Variants in SLC31A1 observed in about 807,000 individuals in gnomAD.
SLC31A1 encodes high affinity copper uptake protein 1.
A neutral mutation model predicts 17.2 loss-of-function variants in SLC31A1; 5 were observed. The observed-to-expected ratio is 0.29, with a 90% CI of 0.15 to 0.61. The LOEUF (loss-of-function observed/expected upper bound fraction) is 0.61. Among genes scored for constraint, SLC31A1 ranks in the 20% least tolerant of loss-of-function variants. SLC31A1 has a pLI of 0.86. For missense variants in SLC31A1, 161 were observed against 241.4 expected, an observed-to-expected ratio of 0.67 and a Z score of 2.21; for synonymous variants, 76 against 78.8, an observed-to-expected ratio of 0.96 and a Z score of 0.19.
chr9:113,254,664 C>T (rs965297673), intron 1 of SLC31A1, among the ~76,000 whole-genome samples: 5 of 151,956 alleles, frequency 3.3e-5, no homozygotes, highest in African/African-American at 4.8e-5. Flanking sequence ...TTTGGGAGGC[C>T]GAGTTGGACA....
At chr9:113,253,616 A>G (rs1831686569) in intron 1 of SLC31A1, among the ~76,000 whole-genome samples, 1 of 141,596 alleles carries the variant, frequency 7.1e-6, no homozygotes. Context: ...GTGCAGTGGC[A>G]TGATCTCTGC....
chr9:113,251,659 A>G (rs1175926934), intron 1 of SLC31A1, among the ~76,000 whole-genome samples: 2 of 152,242 alleles, frequency 1.3e-5, no homozygotes, highest in African/African-American at 4.8e-5. Flanking sequence ...AACTTATCCA[A>G]ATACATACAG....
intron 1 of SLC31A1, among the ~76,000 whole-genome samples, chr9:113,225,130 C>G (rs4979225): frequency 0.33 from 50,869 of 152,070 alleles, 8,658 homozygotes; most frequent in African/African-American, 0.39. Context: ...ACACTGTCAC[C>G]ATTGATAAGC....
At chr9:113,229,054 C>T (rs1484665015) in intron 1 of SLC31A1, among the ~76,000 whole-genome samples, 2 of 152,204 alleles carry the variant, frequency 1.3e-5, no homozygotes, top group Non-Finnish European at 2.9e-5. Flanking sequence ...CCATGTTGGT[C>T]AGGCTGGTCT....
intron 3 of SLC31A1, among the ~76,000 whole-genome samples, 172 bp downstream of exon 3, chr9:113,257,357 T>C (rs1831739494): frequency 6.6e-6 from 1 of 152,172 alleles, no homozygotes; most frequent in Non-Finnish European, 1.5e-5. Context: ...ACAGTACTTT[T>C]TTGGTCCTCT....
At chr9:113,256,843 A>G (rs1410731367) in intron 2 of SLC31A1, among the ~76,000 whole-genome samples, 2 of 150,398 alleles carry the variant, frequency 1.3e-5, no homozygotes, top group East Asian at 3.9e-4. Context: ...CCTGGGCTAC[A>G]GAGCGAGAAT....
intron 1 of SLC31A1, among the ~76,000 whole-genome samples, chr9:113,229,373 T>C (rs1044744417): frequency 4.6e-5 from 7 of 152,190 alleles, no homozygotes; most frequent in Non-Finnish European, 5.9e-5. Flanking sequence ...GAACATACTC[T>C]GTTTCCTTTT....
chr9:113,240,579 A>G (rs951957693), intron 1 of SLC31A1, among the ~76,000 whole-genome samples: 4 of 152,188 alleles, frequency 2.6e-5, no homozygotes, highest in Non-Finnish European at 5.9e-5. Flanking sequence ...TTATAAATCA[A>G]AAAGATCAAG....
rs1189166263 is a variant in SLC31A1 at position 113,260,695 on chromosome 9, C to T, written c.*222C>T. On this transcript the variant is annotated 3_prime_UTR_variant, in exon 5 of 5. Coordinates refer to ENST00000374212, the MANE Select transcript of SLC31A1 (RefSeq NM_001859.4). ...TTGTTTTTTCTAATAAGCTGAGATT[C>T]CCATTTCTCTTAAGGAGAAGCCACC... 1 of 575,388 alleles carries T rather than the reference C, an allele frequency of 1.7e-6. No homozygotes were observed. The highest frequency in any genetic ancestry group is 3.2e-6 in the Non-Finnish European group (1 of 315,896). 35.6% of individuals were successfully genotyped at this position (575,388 alleles called of 1,614,324 possible).
Position 113,256,104 on chromosome 9 carries a change from C to T in SLC31A1, c.-35-10C>T. 1.9e-6 allele frequency: 3 copies of T among 1,584,870 alleles called. No homozygotes were observed. Among genetic ancestry groups the T allele is most frequent in the Middle Eastern group, 2.3e-4 (1 of 4,382 alleles). On this transcript the variant is annotated splice_polypyrimidine_tract_variant and intron_variant, in intron 1 of 4. Coordinates refer to ENST00000374212, the MANE Select transcript of SLC31A1 (RefSeq NM_001859.4). The stretch of plus-strand genomic sequence containing the variant: ...CTTAAATTATTATATATAATTCTTT[C>T]TCTTAAAAGAATCTTCTGCTGACTC...
chr9:113,224,498 G>A (rs1007762658), intron 1 of SLC31A1, among the ~76,000 whole-genome samples: 1 of 150,518 alleles, frequency 6.6e-6, no homozygotes, highest in Admixed American at 6.6e-5. Flanking sequence ...GCACAATCTC[G>A]GCTCACCACA....
At chr9:113,229,596 C>T (rs1831380948) in intron 1 of SLC31A1, among the ~76,000 whole-genome samples, 1 of 152,134 alleles carries the variant, frequency 6.6e-6, no homozygotes, top group African/African-American at 2.4e-5. Flanking sequence ...TACAAACACT[C>T]CTGTTATAAG....
At position 113,262,735 on chromosome 9, in the gene SLC31A1, C is replaced by CT. The variant is rs1831807552; in HGVS notation, c.*2263dup. 6.6e-6 allele frequency: 1 copy of CT among 152,580 alleles called. No homozygotes were observed. The highest frequency in any genetic ancestry group is 1.5e-5 in the Non-Finnish European group (1 of 68,046). 9.5% of individuals were successfully genotyped at this position (152,580 alleles called of 1,614,324 possible). A position where few individuals can be genotyped will look rare whatever the true frequency, so the allele number is the denominator to read the frequency against. ...GTCCAACACAAAGGTATAATACAGC[C>CT]TGTTGTCTAAAGCCAAGGAGTCATA... On this transcript the variant is annotated 3_prime_UTR_variant, in exon 5 of 5. Coordinates refer to ENST00000374212, the MANE Select transcript of SLC31A1 (RefSeq NM_001859.4).
At chr9:113,246,112 G>A (rs1164878919) in intron 1 of SLC31A1, among the ~76,000 whole-genome samples, 1 of 150,604 alleles carries the variant, frequency 6.6e-6, no homozygotes, top group East Asian at 2.0e-4. Context: ...GTGCAGTGGT[G>A]CAATCACCAC....
intron 1 of SLC31A1, among the ~76,000 whole-genome samples, chr9:113,229,004 G>A (rs1045070900): frequency 4.6e-5 from 7 of 152,000 alleles, no homozygotes; most frequent in African/African-American, 1.5e-4. Flanking sequence ...GTGCCACCAC[G>A]ACCGGCTGAT....
In SLC31A1 at chr9:113,264,443, C is replaced by G. The variant is rs1831832071; in HGVS notation, c.*3970C>G. 1 of 152,536 alleles carries G rather than the reference C, an allele frequency of 6.6e-6. No homozygotes were observed. Among genetic ancestry groups the G allele is most frequent in the African/African-American group, 2.4e-5 (1 of 41,406 alleles). 9.4% of individuals were successfully genotyped at this position (152,536 alleles called of 1,614,324 possible). On this transcript the variant is annotated 3_prime_UTR_variant, in exon 5 of 5. Coordinates refer to ENST00000374212, the MANE Select transcript of SLC31A1 (RefSeq NM_001859.4). ...TATTGCTGTAGTAGGAATGTTTTAACAGTGTCATATGAAAAAGAACAAAAT... is the reference window on the plus strand; with the variant it reads ...TATTGCTGTAGTAGGAATGTTTTAAGAGTGTCATATGAAAAAGAACAAAAT...
chr9:113,254,041 A>C (rs576118949), intron 1 of SLC31A1, among the ~76,000 whole-genome samples: 42 of 132,786 alleles, frequency 3.2e-4, no homozygotes, highest in African/African-American at 1.2e-3. Flanking sequence ...TGAAACCTCC[A>C]CCTCCCAGGT....
At chr9:113,254,342 A>T (rs767223072) in intron 1 of SLC31A1, among the ~76,000 whole-genome samples, 1 of 152,096 alleles carries the variant, frequency 6.6e-6, no homozygotes, top group Non-Finnish European at 1.5e-5. Context: ...TTCTCTCCCT[A>T]TCAGGAACCT....
chr9:113,229,325 A>T (rs914228613), intron 1 of SLC31A1, among the ~76,000 whole-genome samples: 1 of 151,672 alleles, frequency 6.6e-6, no homozygotes, highest in Non-Finnish European at 1.5e-5. Flanking sequence ...TTTCCCCCCA[A>T]CTCCCCTGCA....
Sources: allele counts gnomAD v4.1 joint callset (sites outside exome capture counted in the v4.1 genomes callset), GRCh38; gene constraint gnomAD v4.1.1; transcripts MANE v1.5; gene names NCBI Gene and HGNC (gene_info 2026-07-23, HGNC 2026-07-21).